The following TMEM132D variants were observed in gnomAD, a reference collection of about 807,000 sequenced individuals.
TMEM132D encodes the protein transmembrane protein 132D.
Under a neutral mutation model 62.3 loss-of-function variants are expected in TMEM132D, and 21 were observed. The ratio of observed to expected loss-of-function variants is 0.34; its 90% CI spans 0.24 to 0.49. TMEM132D has a LOEUF of 0.49. Ranked by LOEUF, TMEM132D falls within the 20% of genes least tolerant of loss-of-function variation. The probability of loss-of-function intolerance (pLI) is 0.99; values close to 1 mark genes in which losing one functional copy is unlikely to be tolerated. For synonymous variants in TMEM132D, 621 were observed against 575.6 expected (o/e 1.08, Z -1.13); for missense variants, 1,346 against 1,402.8 (o/e 0.96, Z 0.65).
intron 4 of TMEM132D, among the ~76,000 whole-genome samples, chr12:129,316,251 G>A (rs148911176): frequency 0.012 from 1,892 of 152,096 alleles, 43 homozygotes; most frequent in African/African-American, 0.043. Flanking sequence ...GTCAGTTTGT[G>A]CTCTTTCAGT....
chr12:129,366,985 G>A (rs557326821), intron 3 of TMEM132D, among the ~76,000 whole-genome samples: 5 of 152,302 alleles, frequency 3.3e-5, no homozygotes, highest in Admixed American at 6.5e-5. Context: ...AGCACGCAGC[G>A]AGAAGACAAG....
At chr12:129,242,931 C>T (rs570146989) in intron 4 of TMEM132D, among the ~76,000 whole-genome samples, 1 of 90,890 alleles carries the variant, frequency 1.1e-5, no homozygotes, top group South Asian at 3.4e-4. Flanking sequence ...GTAAGAGAGG[C>T]AGTATTTCTA....
At chr12:129,253,697 T>C (rs1365697169) in intron 4 of TMEM132D, among the ~76,000 whole-genome samples, 1 of 152,202 alleles carries the variant, frequency 6.6e-6, no homozygotes, top group Non-Finnish European at 1.5e-5. Context: ...AGTTGGATCA[T>C]TTCTGGTGCT....
At chr12:129,083,658 A>G (rs957635729) in intron 6 of TMEM132D, among the ~76,000 whole-genome samples, 5 of 152,208 alleles carry the variant, frequency 3.3e-5, no homozygotes, top group Non-Finnish European at 7.3e-5. Context: ...GTTCTCCCTC[A>G]GATAAGCCCC....
chr12:129,799,352 A>G (rs944571194), intron 1 of TMEM132D, among the ~76,000 whole-genome samples: 4 of 143,406 alleles, frequency 2.8e-5, no homozygotes, highest in South Asian at 2.3e-4. Flanking sequence ...ATGTGTATAT[A>G]TGTGTGTGTG....
chr12:129,643,377 C>T (rs1370711009), intron 2 of TMEM132D, among the ~76,000 whole-genome samples: 9 of 152,162 alleles, frequency 5.9e-5, no homozygotes, highest in Admixed American at 2.0e-4. Context: ...CCTGCTTTGA[C>T]GAATAAAGTT....
chr12:129,312,552 GTTT>G (rs1002848846), intron 4 of TMEM132D, among the ~76,000 whole-genome samples: 2 of 152,106 alleles, frequency 1.3e-5, no homozygotes, highest in East Asian at 1.9e-4. Context: ...TTTTAGAATA[GTTT>G]TTTTTGTTTG....
chr12:129,899,349 TG>T (rs1875266179), intron 1 of TMEM132D, among the ~76,000 whole-genome samples: 1 of 127,892 alleles, frequency 7.8e-6, no homozygotes, highest in South Asian at 2.3e-4. Flanking sequence ...GGATGATGGA[TG>T]GAGGGATGGA....
chr12:129,453,598 A>C (rs574406268), intron 3 of TMEM132D, among the ~76,000 whole-genome samples: 1 of 152,256 alleles, frequency 6.6e-6, no homozygotes, highest in East Asian at 1.9e-4. Context: ...TGTATTGAGG[A>C]TGTGCTGTCT....
chr12:129,499,675 C>T lies in TMEM132D; in HGVS notation c.1115+31384G>A, dbSNP rs1593039158. ...AGGGAAATGAAATTAAACACATGAACACGTGTTCTGGGACAGTGGAAACAT... is the reference window on the plus strand; with the variant it reads ...AGGGAAATGAAATTAAACACATGAATACGTGTTCTGGGACAGTGGAAACAT... On this transcript the variant is annotated intron_variant, in intron 3 of 8. Coordinates refer to ENST00000422113, the MANE Select transcript of TMEM132D (RefSeq NM_133448.3). 2.6e-5 allele frequency among the ~76,000 whole-genome samples: 4 copies of T among 152,168 alleles called. No individual in the cohort carries two copies. In the South Asian group the frequency reaches 8.3e-4, roughly 32 times the overall value.
chr12:129,521,708 C>T (rs891747554), intron 3 of TMEM132D: 33 of 152,180 alleles, frequency 2.2e-4, no homozygotes, highest in African/African-American at 7.0e-4. Flanking sequence ...GTTTTCTCAA[C>T]GCTTCTGTCG....
At chr12:129,752,315 A>C (rs1870025838) in intron 1 of TMEM132D, among the ~76,000 whole-genome samples, 1 of 152,218 alleles carries the variant, frequency 6.6e-6, no homozygotes, top group Non-Finnish European at 1.5e-5. Flanking sequence ...AAAAAACTCC[A>C]AGAGTGTGAG....
At chr12:129,742,406 T>C (rs777073880) in intron 1 of TMEM132D, among the ~76,000 whole-genome samples, 10 of 152,116 alleles carry the variant, frequency 6.6e-5, no homozygotes, top group Non-Finnish European at 1.3e-4. Flanking sequence ...GGTCCCAGAC[T>C]CTTTTTGACA....
At chr12:129,475,222 C>G (rs1394726727) in intron 3 of TMEM132D, among the ~76,000 whole-genome samples, 1 of 152,156 alleles carries the variant, frequency 6.6e-6, no homozygotes, top group African/African-American at 2.4e-5. Context: ...TCAGACTCAG[C>G]TGAACACATA....
At chr12:129,708,684 GA>G (rs5801875) in intron 1 of TMEM132D, among the ~76,000 whole-genome samples, 118,118 of 134,600 alleles carry the variant, frequency 0.88, 52,726 homozygotes, top group Non-Finnish European at 0.98. Flanking sequence ...AGGAATTCCA[GA>G]AAAAAAAAAA....
At chr12:129,201,584 T>A (rs188497087) in intron 5 of TMEM132D, among the ~76,000 whole-genome samples, 2 of 152,312 alleles carry the variant, frequency 1.3e-5, no homozygotes, top group East Asian at 3.9e-4. Context: ...GTGACCTAAA[T>A]AGGTCCCATA....
intron 3 of TMEM132D, among the ~76,000 whole-genome samples, chr12:129,444,211 A>G (rs1873026420): frequency 6.6e-6 from 1 of 152,220 alleles, no homozygotes; most frequent in Non-Finnish European, 1.5e-5. Context: ...CAAAGATTTC[A>G]TGATGAAGAC....
intron 3 of TMEM132D, among the ~76,000 whole-genome samples, chr12:129,528,855 C>T (rs557918514): frequency 1.3e-5 from 2 of 152,326 alleles, no homozygotes; most frequent in East Asian, 3.9e-4. Flanking sequence ...GACTTCCGTT[C>T]TAGAGCTTCC....
At chr12:129,637,511 G>T (rs941217483) in intron 2 of TMEM132D, among the ~76,000 whole-genome samples, 1 of 152,084 alleles carries the variant, frequency 6.6e-6, no homozygotes, top group African/African-American at 2.4e-5. Context: ...CACAAGAACT[G>T]GTTGGTCAAA....
Sources: gnomAD v4.1 joint callset for allele counts (sites outside exome capture counted in the v4.1 genomes callset) on GRCh38, gnomAD v4.1.1 for gene constraint, MANE v1.5 for transcripts, NCBI Gene and HGNC (gene_info 2026-07-23, HGNC 2026-07-21) for gene names.